The following PPM1E variants were observed in gnomAD, a reference collection of about 807,000 sequenced individuals.
PPM1E encodes protein phosphatase, Mg2+/Mn2+ dependent 1E.
A neutral mutation model predicts 65.9 loss-of-function variants in PPM1E; 20 were observed. The observed-to-expected ratio is 0.30, with a 90% confidence interval of 0.21 to 0.44. The LOEUF (loss-of-function observed/expected upper bound fraction) is 0.44. Ranked by LOEUF, PPM1E falls within the 20% of genes least tolerant of loss-of-function variation. PPM1E has a pLI of 1.00. For synonymous variants in PPM1E, 352 were observed against 374.9 expected (o/e 0.94, Z 0.70); for missense variants, 713 against 953.1 (o/e 0.75, Z 3.32).
At chr17:58,851,864 C>G (rs765865445) in intron 1 of PPM1E, among the ~76,000 whole-genome samples, 6 of 152,216 alleles carry the variant, frequency 3.9e-5, no homozygotes, top group Non-Finnish European at 5.9e-5. Flanking sequence ...TTCAGCTATG[C>G]CCTGCTCCCA....
chr17:58,922,066 A>G (rs66954617), intron 1 of PPM1E, among the ~76,000 whole-genome samples: 96,147 of 150,984 alleles, frequency 0.64, 31,015 homozygotes, highest in African/African-American at 0.71. Flanking sequence ...GAAAAAAAAA[A>G]AGTGTATGGG....
chr17:58,938,313 A>G (rs1354251143), intron 1 of PPM1E, among the ~76,000 whole-genome samples: 1 of 152,188 alleles, frequency 6.6e-6, no homozygotes, highest in East Asian at 1.9e-4. Flanking sequence ...ACCCAGCTAT[A>G]ACTAGAACCC....
intron 1 of PPM1E, chr17:58,955,420 A>C (rs1184547616): frequency 1.7e-6 from 1 of 574,942 alleles, no homozygotes; most frequent in Non-Finnish European, 3.1e-6. Context: ...ATATCCTATT[A>C]GTTTGTCATC....
chr17:58,875,690 C>T (rs1445413094), intron 1 of PPM1E, among the ~76,000 whole-genome samples: 1 of 149,262 alleles, frequency 6.7e-6, no homozygotes, highest in Admixed American at 6.6e-5. Context: ...CTGTGATTCA[C>T]AGACAATCAC....
intron 1 of PPM1E, among the ~76,000 whole-genome samples, chr17:58,884,430 A>G (rs1162342021): frequency 1.3e-5 from 2 of 152,046 alleles, no homozygotes; most frequent in Non-Finnish European, 2.9e-5. Flanking sequence ...CCACTCTGTC[A>G]TCTACTTTCT....
rs184618000 is a variant in PPM1E, at chr17:58,807,504, C to T, written c.464+51043C>T. 5.3e-5 allele frequency among the ~76,000 whole-genome samples: 8 copies of T among 152,128 alleles called. No homozygotes were observed. In the East Asian group the frequency reaches 5.8e-4, roughly 11 times the overall value. On this transcript the variant is annotated intron_variant, in intron 1 of 6. Coordinates refer to ENST00000308249, the MANE Select transcript of PPM1E (RefSeq NM_014906.5). ...GAGAAAATGTTCTGGAATTAGATAA[C>T]GGTGGCGGTTGTGCAACTCTGTGAC... is the stretch of plus-strand genomic sequence containing the variant.
intron 1 of PPM1E, among the ~76,000 whole-genome samples, chr17:58,778,338 G>C (rs2050014247): frequency 6.7e-6 from 1 of 150,142 alleles, no homozygotes; most frequent in Admixed American, 6.6e-5. Flanking sequence ...GACCTCAGGT[G>C]ATCCACCTGC....
intron 1 of PPM1E, among the ~76,000 whole-genome samples, chr17:58,863,788 AAC>A (rs1272795941): frequency 1.3e-5 from 2 of 152,072 alleles, no homozygotes. Flanking sequence ...GTCCCAACCG[AAC>A]ACCTCTCCGA....
intron 1 of PPM1E, among the ~76,000 whole-genome samples, chr17:58,799,911 A>G (rs2050243172): frequency 6.6e-6 from 1 of 152,164 alleles, no homozygotes; most frequent in Non-Finnish European, 1.5e-5. Flanking sequence ...GGTAATGTAA[A>G]TTATCCAACC....
chr17:58,861,493 A>C (rs1021719316), intron 1 of PPM1E, among the ~76,000 whole-genome samples: 1 of 152,214 alleles, frequency 6.6e-6, no homozygotes, highest in Non-Finnish European at 1.5e-5. Context: ...CTTGAGATGA[A>C]GTCCAGATTG....
chr17:58,894,747 GT>G (rs559601765), intron 1 of PPM1E, among the ~76,000 whole-genome samples: 24 of 151,690 alleles, frequency 1.6e-4, no homozygotes, highest in Admixed American at 3.3e-4. Flanking sequence ...ATTGTTTAAT[GT>G]TTTTTTAATA....
At chr17:58,932,325 C>T (rs549773060) in intron 1 of PPM1E, among the ~76,000 whole-genome samples, 324 of 152,034 alleles carry the variant, frequency 2.1e-3, no homozygotes, top group Non-Finnish European at 3.4e-3. Flanking sequence ...AAAAATTAGC[C>T]GGGGATGGTG....
At chr17:58,858,618 C>T (rs1400837869) in intron 1 of PPM1E, among the ~76,000 whole-genome samples, 1 of 152,058 alleles carries the variant, frequency 6.6e-6, no homozygotes, top group East Asian at 1.9e-4. Context: ...CTTCCATTTC[C>T]ACCCATGTTG....
intron 1 of PPM1E, among the ~76,000 whole-genome samples, chr17:58,844,212 AATT>A (rs1452364206): frequency 1.3e-5 from 2 of 152,188 alleles, no homozygotes; most frequent in African/African-American, 2.4e-5. Flanking sequence ...AAATATATTG[AATT>A]ATTATCTGAA....
At chr17:58,805,974 C>A (rs12950744) in intron 1 of PPM1E, among the ~76,000 whole-genome samples, 29,135 of 70,566 alleles carry the variant, frequency 0.41, 4,743 homozygotes, top group Non-Finnish European at 0.46. Context: ...AAAAAAAAAA[C>A]AAAAAAAAAA....
chr17:58,879,301 T>C (rs1015734336), intron 1 of PPM1E, among the ~76,000 whole-genome samples: 7 of 149,770 alleles, frequency 4.7e-5, no homozygotes, highest in Non-Finnish European at 1.0e-4. Context: ...TAATATTTTA[T>C]ATATATAAAA....
intron 1 of PPM1E, among the ~76,000 whole-genome samples, chr17:58,860,672 G>A (rs552015802): frequency 1.3e-3 from 205 of 152,328 alleles, no homozygotes; most frequent in African/African-American, 4.1e-3. Context: ...GGCCGGGTGC[G>A]CTGGCTCATG....
chr17:58,855,884 G>A (rs550096712), intron 1 of PPM1E, among the ~76,000 whole-genome samples: 3 of 152,026 alleles, frequency 2.0e-5, no homozygotes, highest in Non-Finnish European at 4.4e-5. Context: ...CCTGTGGTGC[G>A]GTATAAATTA....
chr17:58,824,141 T>A (rs1451603010), intron 1 of PPM1E, among the ~76,000 whole-genome samples: 1 of 152,182 alleles, frequency 6.6e-6, no homozygotes, highest in East Asian at 1.9e-4. Flanking sequence ...GGAGAAAGGG[T>A]TTGAAAGGAG....
Sources: gnomAD v4.1 joint callset for allele counts (sites outside exome capture counted in the v4.1 genomes callset) on GRCh38, gnomAD v4.1.1 for gene constraint, MANE v1.5 for transcripts, NCBI Gene and HGNC (gene_info 2026-07-23, HGNC 2026-07-21) for gene names.